PRDM16: variants seen among roughly 807,000 people sequenced by gnomAD.
PRDM16 encodes the protein PR/SET domain 16.
Under a neutral mutation model 110.6 loss-of-function variants are expected in PRDM16, and 23 were observed. That is an observed-to-expected ratio of 0.21 (90% confidence interval 0.15 to 0.29). PRDM16 has a LOEUF of 0.29. PRDM16 is among the 10% of genes least tolerant of loss of function. The probability of loss-of-function intolerance (pLI) is 1.00; values close to 1 mark genes in which losing one functional copy is unlikely to be tolerated. For missense variants in PRDM16, 1,615 were observed against 1,794.3 expected (o/e 0.90, Z 1.81); for synonymous variants, 799 against 781.8 (o/e 1.02, Z -0.37).
At position 3,244,414 on chromosome 1, in the gene PRDM16, G is replaced by A. The variant is rs1639742982; in HGVS notation, c.438+277G>A. ...ACTCCCGAGAGTGGAGGAGAGCCCT[G>A]TACCTGTGGGAAAGCTTCAGGCCAC... is the stretch of plus-strand genomic sequence containing the variant. On this transcript the variant is annotated intron_variant, in intron 3 of 16. Coordinates refer to ENST00000270722, the MANE Select transcript of PRDM16 (RefSeq NM_022114.4). This position sits in a 1 kb window ranked among gnomAD's most constrained non-coding sequence, Gnocchi z 4.1. 6.6e-6 allele frequency among the ~76,000 whole-genome samples: 1 copy of A among 152,232 alleles called. No homozygotes were observed. The highest frequency in any genetic ancestry group is 1.9e-4 in the East Asian group (1 of 5,138).
chr1:3,336,534 ATC>A (rs1026513120), intron 3 of PRDM16, among the ~76,000 whole-genome samples: 2 of 144,942 alleles, frequency 1.4e-5, no homozygotes, highest in African/African-American at 5.2e-5. Context: ...GTTGGTGTGA[ATC>A]TGTGTGTGAG....
intron 12 of PRDM16, among the ~76,000 whole-genome samples, chr1:3,423,621 A>G (rs1638503410): frequency 6.6e-6 from 1 of 152,136 alleles, no homozygotes; most frequent in African/African-American, 2.4e-5. Flanking sequence ...GGCCACCGGC[A>G]CCGGTCGGGG....
rs191373524 is a variant in PRDM16 at position 3,120,195 on chromosome 1, G to A, written c.37+50899G>A. On this transcript the variant is annotated intron_variant, in intron 1 of 16. Coordinates refer to ENST00000270722, the MANE Select transcript of PRDM16 (RefSeq NM_022114.4). ...GCAGCTTGAAATCCAAGTAATTAAG[G>A]CGATGGATTAAATCTGTGGGAAGTC... Among the ~76,000 whole-genome samples the A allele has an allele frequency of 1.4e-4, 22 of 152,338 alleles. No homozygotes were observed. The East Asian group carries it at 3.7e-3, about 25-fold the overall frequency.
chr1:3,122,102 G>A (rs1396276531), intron 1 of PRDM16, among the ~76,000 whole-genome samples: 2 of 152,172 alleles, frequency 1.3e-5, no homozygotes, highest in Non-Finnish European at 2.9e-5. Flanking sequence ...GTCTGTGGAG[G>A]TCAGGCGGAC....
At chr1:3,083,525 C>T (rs1459944754) in intron 1 of PRDM16, among the ~76,000 whole-genome samples, 3 of 151,410 alleles carry the variant, frequency 2.0e-5, no homozygotes, top group African/African-American at 4.9e-5. Flanking sequence ...TGTGAAGAGG[C>T]GAACCAAGGA....
intron 3 of PRDM16, among the ~76,000 whole-genome samples, chr1:3,364,446 C>G (rs1391989750): frequency 1.3e-5 from 2 of 152,202 alleles, no homozygotes; most frequent in Non-Finnish European, 2.9e-5. Context: ...AACACGGTGA[C>G]ACCCACCCTA....
chr1:3,349,144 A>C (rs1642425239), intron 3 of PRDM16, among the ~76,000 whole-genome samples: 1 of 152,182 alleles, frequency 6.6e-6, no homozygotes, highest in Non-Finnish European at 1.5e-5. Context: ...GTCAGCAACA[A>C]ACCACAGCCT....
In PRDM16 at chr1:3,243,988, C is replaced by T. The variant is rs1325930754; in HGVS notation, c.388-99C>T. ...GAAGCCACTGGGTCCCACCCTGTGA[C>T]TTTTGGGGACAGTGGTTCTGCCCCC... is the stretch of plus-strand genomic sequence containing the variant. On this transcript the variant is annotated intron_variant, in intron 2 of 16. Coordinates refer to ENST00000270722, the MANE Select transcript of PRDM16 (RefSeq NM_022114.4). The surrounding 1 kb of genome is among the most constrained non-coding windows in gnomAD (Gnocchi z 5.5). The T allele has an allele frequency of 1.6e-6, 2 of 1,253,472 alleles. No homozygotes were observed. Among genetic ancestry groups the T allele is most frequent in the East Asian group, 2.3e-5 (1 of 43,040 alleles). 77.6% of individuals were successfully genotyped at this position (1,253,472 alleles called of 1,614,324 possible). A position where few individuals can be genotyped will look rare whatever the true frequency, so the allele number is the denominator to read the frequency against.
intron 2 of PRDM16, among the ~76,000 whole-genome samples, chr1:3,230,421 C>A (rs968008516): frequency 1.3e-5 from 2 of 152,232 alleles, no homozygotes; most frequent in African/African-American, 4.8e-5. Flanking sequence ...TCACGGCCAC[C>A]AGACCTGCCC....
chr1:3,402,259 G>A (rs534786798), intron 5 of PRDM16, among the ~76,000 whole-genome samples: 32 of 104,344 alleles, frequency 3.1e-4, no homozygotes, highest in African/African-American at 5.9e-4. Flanking sequence ...AGGCAGGGAC[G>A]GGCCCAGAGC....
chr1:3,311,615 C>T (rs1310428566), intron 3 of PRDM16, among the ~76,000 whole-genome samples: 3 of 152,148 alleles, frequency 2.0e-5, no homozygotes, highest in South Asian at 2.1e-4. Flanking sequence ...ACAGGGAAAC[C>T]GAGGCACAGA....
Position 3,355,041 on chromosome 1 carries a change from C to T in PRDM16, c.439-30111C>T, listed in dbSNP as rs374436606. Among the ~76,000 whole-genome samples, 11 of 152,272 alleles carry T rather than the reference C, an allele frequency of 7.2e-5. No homozygotes were observed. In the East Asian group the frequency reaches 9.7e-4, roughly 13 times the overall value. On this transcript the variant is annotated intron_variant, in intron 3 of 16. Coordinates refer to ENST00000270722, the MANE Select transcript of PRDM16 (RefSeq NM_022114.4). The stretch of plus-strand genomic sequence containing the variant: ...GGCTGAGCACCAGGGGGGAACCCAC[C>T]GGGACAAAGCCAGGACTGCTGCCCT...
Position 3,290,368 on chromosome 1 carries a change from C to T in PRDM16, c.438+46231C>T, listed in dbSNP as rs527492486. The stretch of plus-strand genomic sequence containing the variant: ...GAAGAGGAGAGCCTCTCAGTATCCC[C>T]ACCTTATAGATGAGGAGGCACAGAG... On this transcript the variant is annotated intron_variant, in intron 3 of 16. Coordinates refer to ENST00000270722, the MANE Select transcript of PRDM16 (RefSeq NM_022114.4). This position sits in a 1 kb window ranked among gnomAD's most constrained non-coding sequence, Gnocchi z 4.8. Among the ~76,000 whole-genome samples, 1 of 152,296 alleles carries T rather than the reference C, an allele frequency of 6.6e-6. No homozygotes were observed. Among genetic ancestry groups the T allele is most frequent in the African/African-American group, 2.4e-5 (1 of 41,566 alleles).
chr1:3,086,704 A>G (rs1283503411), intron 1 of PRDM16, among the ~76,000 whole-genome samples: 1 of 152,128 alleles, frequency 6.6e-6, no homozygotes, highest in East Asian at 1.9e-4. Context: ...GATTTTCCCA[A>G]GTTACTCCGC....
intron 5 of PRDM16, among the ~76,000 whole-genome samples, chr1:3,398,418 A>G (rs1373509523): frequency 6.6e-6 from 1 of 152,060 alleles, no homozygotes; most frequent in African/African-American, 2.4e-5. Context: ...CGCCTCCCCC[A>G]CCAGTTAAAC....
At position 3,264,423 on chromosome 1, in the gene PRDM16, C is replaced by T. The variant is rs575572264; in HGVS notation, c.438+20286C>T. ...GAGGCATAGAGGAGCATCCGAGGAC[C>T]CTAGGCCAGGAGGAGAGGAAAGGGG... On this transcript the variant is annotated intron_variant, in intron 3 of 16. Coordinates refer to ENST00000270722, the MANE Select transcript of PRDM16 (RefSeq NM_022114.4). Among the ~76,000 whole-genome samples the T allele has an allele frequency of 4.2e-4, 62 of 146,542 alleles. No homozygotes were observed. In the South Asian group the frequency reaches 0.011, roughly 27 times the overall value.
chr1:3,251,723 C>T (rs954232292), intron 3 of PRDM16, among the ~76,000 whole-genome samples: 2 of 152,188 alleles, frequency 1.3e-5, no homozygotes, highest in Non-Finnish European at 2.9e-5. Context: ...CCTAGTTCTG[C>T]AGCAGGATTT....
chr1:3,140,947 T>G (rs1005415754), intron 1 of PRDM16, among the ~76,000 whole-genome samples: 2 of 152,120 alleles, frequency 1.3e-5, no homozygotes, highest in African/African-American at 4.8e-5. Flanking sequence ...TGGCTTTTAC[T>G]CCCGATACGG....
chr1:3,403,108 G>GC (rs1157432890), intron 6 of PRDM16, 110 bp downstream of exon 6: 3 of 961,864 alleles, frequency 3.1e-6, no homozygotes, highest in Non-Finnish European at 4.7e-6. Context: ...CCCCCGCCTC[G>GC]CCCCCCAACA....
Sources: allele counts gnomAD v4.1 joint callset (sites outside exome capture counted in the v4.1 genomes callset), GRCh38; gene constraint gnomAD v4.1.1; non-coding constraint Gnocchi (gnomAD v3.1); transcripts MANE v1.5; gene names NCBI Gene and HGNC (gene_info 2026-07-23, HGNC 2026-07-21).